HMGB1: variants seen among roughly 807,000 people sequenced by gnomAD.
HMGB1 encodes the protein high mobility group protein B1.
For missense variants in HMGB1, 79 were observed against 253.5 expected, an observed-to-expected ratio of 0.31 and a Z score of 4.67; for synonymous variants, 81 against 84.0, an observed-to-expected ratio of 0.96 and a Z score of 0.19.
intron 1 of HMGB1, among the ~76,000 whole-genome samples, chr13:30,537,385 G>A (rs544139437): frequency 1.6e-4 from 24 of 151,846 alleles, no homozygotes; most frequent in Admixed American, 1.4e-3. Flanking sequence ...TTTACAAAAT[G>A]AACAAACATT....
At chr13:30,599,233 C>A (rs1347846389) in intron 1 of HMGB1, among the ~76,000 whole-genome samples, 1 of 152,178 alleles carries the variant, frequency 6.6e-6, no homozygotes, top group South Asian at 2.1e-4. Flanking sequence ...CTTTATGAGG[C>A]CAAGGTGGGC....
At chr13:30,471,544 G>A (rs1372651751) in intron 1 of HMGB1, among the ~76,000 whole-genome samples, 5 of 148,828 alleles carry the variant, frequency 3.4e-5, no homozygotes, top group East Asian at 4.0e-4. Flanking sequence ...TAGTAGAGAC[G>A]GGATTTCACC....
chr13:30,598,979 T>C (rs1871740948), intron 1 of HMGB1, among the ~76,000 whole-genome samples: 1 of 152,064 alleles, frequency 6.6e-6, no homozygotes, highest in Non-Finnish European at 1.5e-5. Context: ...TGTGTGTGTA[T>C]ATATAATTTT....
intron 1 of HMGB1, among the ~76,000 whole-genome samples, chr13:30,513,390 T>C (rs1381661866): frequency 6.6e-6 from 1 of 152,212 alleles, no homozygotes; most frequent in African/African-American, 2.4e-5. Context: ...AATGCTCTCA[T>C]TGTATGCTAT....
chr13:30,498,396 C>T (rs531577184), intron 1 of HMGB1, among the ~76,000 whole-genome samples: 8 of 152,180 alleles, frequency 5.3e-5, no homozygotes, highest in African/African-American at 1.9e-4. Context: ...TTTATATTCT[C>T]ACTGACTTTT....
chr13:30,589,027 C>T lies in HMGB1; in HGVS notation c.-15+27644G>A, dbSNP rs369196801. On this transcript the variant is annotated intron_variant, in intron 1 of 4. Coordinates refer to the HMGB1 transcript ENST00000405805. ...TACCACTTTTTTTTTTTTTTTGAGACGGAGTCTTGCTCTTGTTGCCCAGGC... is the reference window on the plus strand; with the variant it reads ...TACCACTTTTTTTTTTTTTTTGAGATGGAGTCTTGCTCTTGTTGCCCAGGC... Among the ~76,000 whole-genome samples, 377 of 142,736 alleles carry T rather than the reference C, an allele frequency of 2.6e-3. 2 individuals are homozygous for T. The highest frequency in any genetic ancestry group is 8.5e-3 in the African/African-American group (323 of 38,214). The allele number at this position is 142,736 out of a possible 152,430, so 93.6% of individuals were successfully genotyped here. A position where few individuals can be genotyped will look rare whatever the true frequency, so the allele number is the denominator to read the frequency against.
At chr13:30,605,136 TG>T (rs200040983) in intron 1 of HMGB1, among the ~76,000 whole-genome samples, 2,823 of 152,184 alleles carry the variant, frequency 0.019, 59 homozygotes, top group Middle Eastern at 0.045. Context: ...TTGCTTTGTT[TG>T]GGGCTGTGCA....
chr13:30,570,077 G>T (rs1437658058), intron 1 of HMGB1, among the ~76,000 whole-genome samples: 1 of 152,206 alleles, frequency 6.6e-6, no homozygotes, highest in Admixed American at 6.5e-5. Context: ...TTCTTTGTAA[G>T]TGAAGGACAG....
chr13:30,458,262 CA>C lies in HMGB1; in HGVS notation c.*3094del, dbSNP rs1886078413. On this transcript the variant is annotated 3_prime_UTR_variant, in exon 5 of 5. Coordinates refer to ENST00000341423, the MANE Select transcript of HMGB1 (RefSeq NM_002128.7). ...AGCAGACCTAAATGTGAACTTTCAT[CA>C]AGGACTATGTGATGTCAAGCAAGGC... is the stretch of plus-strand genomic sequence containing the variant. 1 of 151,570 alleles carries C rather than the reference CA, an allele frequency of 6.6e-6. No homozygotes were observed. The highest frequency in any genetic ancestry group is 2.1e-4 in the South Asian group (1 of 4,802). The allele number at this position is 151,570 out of a possible 1,614,324, so 9.4% of individuals were successfully genotyped here. A position where few individuals can be genotyped will look rare whatever the true frequency, so the allele number is the denominator to read the frequency against.
At chr13:30,558,935 T>C (rs1869814182) in intron 1 of HMGB1, among the ~76,000 whole-genome samples, 2 of 152,130 alleles carry the variant, frequency 1.3e-5, no homozygotes, top group African/African-American at 4.8e-5. Context: ...TGCAGATGGA[T>C]TATAATCTTC....
intron 1 of HMGB1, chr13:30,542,710 A>G: frequency 9.3e-6 from 2 of 215,340 alleles, no homozygotes; most frequent in South Asian, 7.5e-5. Flanking sequence ...CAATGAATGA[A>G]AATTCCTCAT....
Position 30,604,719 on chromosome 13 carries a change from G to A in HMGB1, c.-15+11952C>T, listed in dbSNP as rs768740226. Among the ~76,000 whole-genome samples, 9 of 152,194 alleles carry A rather than the reference G, an allele frequency of 5.9e-5. No individual in the cohort carries two copies. In the East Asian group the frequency reaches 7.7e-4, roughly 13 times the overall value. On this transcript the variant is annotated intron_variant, in intron 1 of 4. Transcript: ENST00000405805. ...GTCGCCCGGGCTGGAGTGCAGTGGC[G>A]TGATCTCGGCTCACTGCAAGCTCTG...
chr13:30,542,032 C>G (rs1189841409), intron 1 of HMGB1: 4 of 153,450 alleles, frequency 2.6e-5, no homozygotes, highest in African/African-American at 9.7e-5. Flanking sequence ...CGTCTCTGCT[C>G]CCTTGTTTGT....
chr13:30,476,901 A>C (rs1887111084), intron 1 of HMGB1, among the ~76,000 whole-genome samples: 2 of 152,006 alleles, frequency 1.3e-5, no homozygotes, highest in South Asian at 4.1e-4. Flanking sequence ...TAATCCTAAC[A>C]GTAATCCTAT....
chr13:30,530,547 C>T (rs1364580748), intron 1 of HMGB1, among the ~76,000 whole-genome samples: 1 of 152,202 alleles, frequency 6.6e-6, no homozygotes, highest in Non-Finnish European at 1.5e-5. Flanking sequence ...TACAGATCTG[C>T]TCACTGAAGT....
At chr13:30,518,181 T>A (rs885152) in intron 1 of HMGB1, among the ~76,000 whole-genome samples, 22,188 of 151,488 alleles carry the variant, frequency 0.15, 2,856 homozygotes, top group African/African-American at 0.35. Context: ...AAAATAAAAA[T>A]AAAAAAATAG....
chr13:30,487,687 G>C (rs1887394724), intron 1 of HMGB1, among the ~76,000 whole-genome samples: 1 of 152,088 alleles, frequency 6.6e-6, no homozygotes, highest in African/African-American at 2.4e-5. Context: ...GGCTAAAAAA[G>C]GTTGCACCAC....
At chr13:30,519,065 A>C (rs1888165996) in intron 1 of HMGB1, among the ~76,000 whole-genome samples, 1 of 152,044 alleles carries the variant, frequency 6.6e-6, no homozygotes, top group African/African-American at 2.4e-5. Context: ...AAGTGTCAAC[A>C]AATTTCAATG....
chr13:30,521,271 A>G (rs1280769708), intron 1 of HMGB1, among the ~76,000 whole-genome samples: 1 of 152,170 alleles, frequency 6.6e-6, no homozygotes, highest in Non-Finnish European at 1.5e-5. Context: ...TAAAATGAAA[A>G]ATTCAATGGA....
Sources: allele counts gnomAD v4.1 joint callset (sites outside exome capture counted in the v4.1 genomes callset), GRCh38; gene constraint gnomAD v4.1.1; transcripts MANE v1.5; gene names NCBI Gene and HGNC (gene_info 2026-07-23, HGNC 2026-07-21).